Variants in SPEN observed in about 807,000 individuals in gnomAD.
SPEN encodes the protein spen family transcriptional repressor, also known as msx2-interacting protein.
Under a neutral mutation model 269.9 loss-of-function variants are expected in SPEN, and 18 were observed. That is an observed-to-expected ratio of 0.07 (90% CI 0.05 to 0.10). SPEN has a LOEUF of 0.10. Among genes scored for constraint, SPEN ranks in the 10% least tolerant of loss-of-function variants. The pLI, the probability that SPEN is intolerant of heterozygous loss-of-function variation, is 1.00. For synonymous variants in SPEN, 1,726 were observed against 1,765.7 expected (o/e 0.98, Z 0.56); for missense variants, 3,822 against 4,631.2 (o/e 0.83, Z 5.07).
chr1:15,919,256 A>G (rs1020853860), intron 7 of SPEN, 148 bp from the exon 8 acceptor site: 3 of 687,810 alleles, frequency 4.4e-6, no homozygotes, highest in Admixed American at 6.9e-5. Context: ...TTTTTTTTGT[A>G]TATTCCTATT....
chr1:15,930,265 C>T lies in SPEN; in HGVS notation c.4025C>T (p.Ser1342Phe). 2 of 1,614,180 alleles carry T rather than the reference C, an allele frequency of 1.2e-6. No individual in the cohort carries two copies. The highest frequency in any genetic ancestry group is 1.7e-6 in the Non-Finnish European group (2 of 1,180,032). Residue 1342 changes from serine to phenylalanine, a missense_variant, in exon 11 of 15, where the codon TCT becomes TTT. Coordinates refer to ENST00000375759, the MANE Select transcript of SPEN (RefSeq NM_015001.3). The surrounding 1 kb of genome is among the most constrained non-coding windows in gnomAD (Gnocchi z 5.3). ...GAAGATGAACTAAATCGTTGGGACTCTCAGATGAAACAGGATGCTGGCAGA... is the reference window on the plus strand; with the variant it reads ...GAAGATGAACTAAATCGTTGGGACTTTCAGATGAAACAGGATGCTGGCAGA... ...NSEDELNRWD[S>F]QMKQDAGRFD...
chr1:15,854,485 G>GT (rs965572676), intron 1 of SPEN, among the ~76,000 whole-genome samples: 10 of 151,334 alleles, frequency 6.6e-5, no homozygotes, highest in African/African-American at 1.7e-4. Context: ...AAAGCATGTA[G>GT]TTTTTTTTTG....
intron 1 of SPEN, among the ~76,000 whole-genome samples, chr1:15,853,485 C>CTATTTT (rs1225701405): frequency 6.7e-5 from 10 of 148,528 alleles, no homozygotes; most frequent in African/African-American, 1.0e-4. Context: ...CTGTGCTGGC[C>CTATTTT]TATTTTTATT....
intron 9 of SPEN, 40 bp downstream of exon 9, chr1:15,921,023 T>C (rs1420259123): frequency 3.7e-6 from 5 of 1,343,902 alleles, no homozygotes; most frequent in African/African-American, 1.5e-5. Flanking sequence ...AACAAAGTCC[T>C]ATTCAAATCT....
chr1:15,872,091 A>T (rs1398090423), intron 1 of SPEN, among the ~76,000 whole-genome samples: 1 of 151,790 alleles, frequency 6.6e-6, no homozygotes, highest in African/African-American at 2.4e-5. Flanking sequence ...AAAAAACATT[A>T]GTTGGGTGTG....
rs780803815 is a variant in SPEN, at chr1:15,933,588, G to A, written c.7348G>A (p.Val2450Met). 5.6e-6 allele frequency: 9 copies of A among 1,614,016 alleles called. No individual in the cohort carries two copies. Among genetic ancestry groups the A allele is most frequent in the Non-Finnish European group, 7.6e-6 (9 of 1,179,964 alleles). Residue 2450 changes from valine to methionine, a missense_variant, in exon 11 of 15, where the codon GTG (valine) becomes ATG (methionine). Val to Met is a conservative substitution (Grantham distance 21, BLOSUM62 1). This residue lies in a region of SPEN where 727 missense variants were observed against 737.9 expected (regional missense o/e 0.99). Coordinates refer to ENST00000375759, the MANE Select transcript of SPEN (RefSeq NM_015001.3). This position sits in a 1 kb window ranked among gnomAD's most constrained non-coding sequence, Gnocchi z 5.7. ...TGAGGAGCCTCAAGCCAGGTTCAGG[G>A]TGCATTCCATCATTGAAAGTGACCC... ...VDEEPQARFR[V>M]HSIIESDPVT... is the part of the protein sequence containing the mutation.
At chr1:15,900,689 G>A (rs1214664315) in intron 3 of SPEN, among the ~76,000 whole-genome samples, 1 of 152,122 alleles carries the variant, frequency 6.6e-6, no homozygotes, top group Non-Finnish European at 1.5e-5. Flanking sequence ...CAATGTTAAG[G>A]ATCCTGCGTT....
intron 2 of SPEN, chr1:15,873,862 C>T (rs752622191): frequency 9.3e-7 from 1 of 1,078,832 alleles, no homozygotes; most frequent in Non-Finnish European, 1.1e-6. Context: ...GTCTTGCTGT[C>T]AAGATTCCAC....
intron 2 of SPEN, chr1:15,874,545 C>A: frequency 2.4e-6 from 1 of 418,732 alleles, no homozygotes; most frequent in Non-Finnish European, 3.9e-6. Flanking sequence ...TTGTGCCTGC[C>A]TTCTGTATCT....
intron 3 of SPEN, among the ~76,000 whole-genome samples, chr1:15,880,361 C>T (rs1309330401): frequency 1.3e-5 from 2 of 151,306 alleles, no homozygotes; most frequent in Admixed American, 6.6e-5. Context: ...CCTATATTTA[C>T]ATGTTGCTTT....
At chr1:15,924,001 C>A (rs940170535) in intron 10 of SPEN, among the ~76,000 whole-genome samples, 2 of 152,168 alleles carry the variant, frequency 1.3e-5, no homozygotes, top group African/African-American at 4.8e-5. Flanking sequence ...ATGCTCCCTA[C>A]GGCCAAATTC....
rs2071272991 is a variant in SPEN, at chr1:15,936,152, A to G, written c.9912A>G (p.Gln3304=). 1 of 1,610,794 alleles carries G rather than the reference A, an allele frequency of 6.2e-7. No homozygotes were observed. Among genetic ancestry groups the G allele is most frequent in the African/African-American group, 1.3e-5 (1 of 74,688 alleles). Residue 3304 remains glutamine, a synonymous_variant, in exon 11 of 15, where the codon CAA becomes CAG. Transcript: ENST00000375759. ...QIVHSSGELF[Q]EYRYGDIRTY... ...TGCACTCCAGCGGGGAGCTGTTTCA[A>G]GAGTACCGGTACGGCGACATCCGCA... is the stretch of plus-strand genomic sequence containing the variant.
Position 15,911,288 on chromosome 1 carries a change from A to G in SPEN, c.1230A>G (p.Ala410=). 1.2e-6 allele frequency: 2 copies of G among 1,614,088 alleles called. No individual in the cohort carries two copies. Among genetic ancestry groups the G allele is most frequent in the Non-Finnish European group, 1.7e-6 (2 of 1,179,942 alleles). Residue 410 remains alanine, a synonymous_variant, in exon 5 of 15, where the codon GCA becomes GCG. Coordinates refer to ENST00000375759, the MANE Select transcript of SPEN (RefSeq NM_015001.3). ...LFFGMQIEVT[A]WIGPETESEN... ...TTGGCATGCAGATTGAAGTAACAGC[A>G]TGGATAGGTCCAGGTAAGACACAAG...
rs751467458 is a variant in SPEN, at chr1:15,929,645, T to G, written c.3405T>G (p.Ser1135Arg). The change falls in exon 11 of 15, where the codon AGT (serine) becomes AGG (arginine). Residue 1135 changes from serine to arginine, a missense_variant. By Grantham distance (110) the Ser-to-Arg change is moderately radical. Transcript: ENST00000375759. The surrounding 1 kb of genome is among the most constrained non-coding windows in gnomAD (Gnocchi z 5.8). The part of the protein sequence containing the change: ...EREDVRKNYC[S>R]LRDETPERKS... ...AAGACGTTAGGAAAAACTATTGCAG[T>G]CTTCGTGATGAAACACCTGAACGTA... 2.5e-6 allele frequency: 4 copies of G among 1,614,150 alleles called. No individual in the cohort carries two copies. The Admixed American group carries it at 6.7e-5, about 27-fold the overall frequency.
intron 1 of SPEN, among the ~76,000 whole-genome samples, chr1:15,861,642 T>C (rs1252810988): frequency 6.7e-6 from 1 of 149,800 alleles, no homozygotes; most frequent in East Asian, 1.9e-4. Context: ...AAGGACTCTC[T>C]TTTTTTTGTG....
intron 3 of SPEN, among the ~76,000 whole-genome samples, chr1:15,885,858 C>T (rs2070732184): frequency 6.6e-6 from 1 of 152,140 alleles, no homozygotes; most frequent in South Asian, 2.1e-4. Flanking sequence ...ACTGAAGAGC[C>T]CACAGTTTGG....
chr1:15,877,882 T>C (rs1259618029), intron 3 of SPEN, among the ~76,000 whole-genome samples: 1 of 151,664 alleles, frequency 6.6e-6, no homozygotes, highest in Admixed American at 6.6e-5. Flanking sequence ...GTAGCTGAGA[T>C]TACAGGCACC....
intron 3 of SPEN, among the ~76,000 whole-genome samples, chr1:15,895,578 C>A (rs929863233): frequency 1.3e-5 from 2 of 151,606 alleles, no homozygotes; most frequent in African/African-American, 4.8e-5. Context: ...CCCTGTTGAT[C>A]AACATAATCC....
At chr1:15,858,619 A>C (rs575523598) in intron 1 of SPEN, among the ~76,000 whole-genome samples, 1 of 152,198 alleles carries the variant, frequency 6.6e-6, no homozygotes, top group Non-Finnish European at 1.5e-5. Flanking sequence ...ATGCATGACT[A>C]TATTTGGATG....
Sources: gnomAD v4.1 joint callset for allele counts (sites outside exome capture counted in the v4.1 genomes callset) on GRCh38, gnomAD v4.1.1 for gene constraint, gnomAD v4.1.1 regional missense constraint, Gnocchi (gnomAD v3.1) non-coding constraint, MANE v1.5 for transcripts, NCBI Gene and HGNC (gene_info 2026-07-23, HGNC 2026-07-21) for gene names.